XKR9: variants seen among roughly 807,000 people sequenced by gnomAD.
XKR9 encodes XK-related protein 9.
In XKR9, 32 loss-of-function variants were observed where a neutral mutation model predicts 32.0. The ratio of observed to expected loss-of-function variants is 1.00; its 90% CI spans 0.76 to 1.34. The LOEUF (loss-of-function observed/expected upper bound fraction) is 1.34. Among genes scored for constraint, XKR9 ranks in the 40% most tolerant of loss-of-function variants. The probability of loss-of-function intolerance (pLI) is 0.00; values close to 1 mark genes in which losing one functional copy is unlikely to be tolerated. For synonymous variants in XKR9, 168 were observed against 143.4 expected (o/e 1.17, Z -1.22); for missense variants, 546 against 429.7 (o/e 1.27, Z -2.39).
the XKR9 span, among the ~76,000 whole-genome samples, chr8:70,891,759 T>C: frequency 6.6e-6 from 1 of 152,082 alleles, no homozygotes; most frequent in Non-Finnish European, 1.5e-5. Context: ...GTTTTGTAAA[T>C]GTCTATTAGG....
chr8:71,058,938 G>T, the XKR9 span, among the ~76,000 whole-genome samples: 2 of 152,112 alleles, frequency 1.3e-5, no homozygotes, highest in Non-Finnish European at 2.9e-5. Flanking sequence ...TCTTCATGTG[G>T]TTATAAACAC....
the XKR9 span, among the ~76,000 whole-genome samples, chr8:70,814,150 G>T: frequency 6.6e-6 from 1 of 152,100 alleles, no homozygotes; most frequent in Non-Finnish European, 1.5e-5. Flanking sequence ...GCAGGGACAT[G>T]GATGAAACTG....
At chr8:71,023,311 C>T in the XKR9 span, among the ~76,000 whole-genome samples, 1 of 152,134 alleles carries the variant, frequency 6.6e-6, no homozygotes, top group East Asian at 1.9e-4. Context: ...GGGTAGAGCG[C>T]TTCAGCTTTG....
the XKR9 span, among the ~76,000 whole-genome samples, chr8:71,041,266 T>G: frequency 2.0e-5 from 3 of 152,160 alleles, no homozygotes; most frequent in African/African-American, 7.2e-5. Flanking sequence ...TGTAATTATT[T>G]TATCTTGTGG....
At chr8:70,949,301 G>A in the XKR9 span, among the ~76,000 whole-genome samples, 6,265 of 151,736 alleles carry the variant, frequency 0.041, 189 homozygotes, top group South Asian at 0.08. Flanking sequence ...CTATTGTTCC[G>A]TTAGTTTGCC....
intron 4 of XKR9, among the ~76,000 whole-genome samples, chr8:70,716,614 C>A (rs1161338089): frequency 6.6e-6 from 1 of 152,100 alleles, no homozygotes; most frequent in African/African-American, 2.4e-5. Flanking sequence ...GATTCAGTTA[C>A]CTCTACCGTG....
At chr8:71,021,656 C>T in the XKR9 span, among the ~76,000 whole-genome samples, 46 of 152,148 alleles carry the variant, frequency 3.0e-4, no homozygotes, top group African/African-American at 1.1e-3. Flanking sequence ...GCACGCGCCA[C>T]CATGCCCGGC....
the XKR9 span, among the ~76,000 whole-genome samples, chr8:70,937,171 A>G: frequency 7.9e-5 from 12 of 151,708 alleles, no homozygotes; most frequent in African/African-American, 2.9e-4. Context: ...TGTGAAGTTT[A>G]ATTATAGAAA....
the XKR9 span, among the ~76,000 whole-genome samples, chr8:70,855,734 T>G: frequency 1.3e-5 from 2 of 152,220 alleles, no homozygotes; most frequent in Non-Finnish European, 1.5e-5. Context: ...AGAGAAAGGT[T>G]GGGTTACCCA....
the XKR9 span, among the ~76,000 whole-genome samples, chr8:71,035,132 T>C: frequency 6.6e-6 from 1 of 152,218 alleles, no homozygotes; most frequent in Non-Finnish European, 1.5e-5. Flanking sequence ...GATATGAATA[T>C]ATTGAAACAT....
chr8:70,977,276 T>G, the XKR9 span, among the ~76,000 whole-genome samples: 3 of 152,332 alleles, frequency 2.0e-5, no homozygotes, highest in East Asian at 3.9e-4. Context: ...TCTTGCCTTC[T>G]GCTAGTTTTT....
At chr8:71,064,440 A>T in the XKR9 span, among the ~76,000 whole-genome samples, 1 of 152,294 alleles carries the variant, frequency 6.6e-6, no homozygotes, top group South Asian at 2.1e-4. Flanking sequence ...AATTTATATC[A>T]TTGTCAACAG....
intron 2 of XKR9, among the ~76,000 whole-genome samples, chr8:70,753,433 G>T (rs1042873933): frequency 4.6e-5 from 7 of 152,176 alleles, no homozygotes; most frequent in Non-Finnish European, 1.0e-4. Flanking sequence ...GCATCATCCG[G>T]ATACCAAAGC....
chr8:70,807,442 CG>C, the XKR9 span, among the ~76,000 whole-genome samples: 4 of 152,028 alleles, frequency 2.6e-5, no homozygotes, highest in African/African-American at 9.7e-5. Context: ...ATGGGCTAAA[CG>C]GCCCAATTAA....
the XKR9 span, among the ~76,000 whole-genome samples, chr8:70,873,507 G>A: frequency 6.6e-6 from 1 of 152,128 alleles, no homozygotes; most frequent in African/African-American, 2.4e-5. Context: ...AACCCTCATG[G>A]TTGACTTTCA....
chr8:70,927,237 G>C, the XKR9 span, among the ~76,000 whole-genome samples: 1 of 151,914 alleles, frequency 6.6e-6, no homozygotes, highest in Non-Finnish European at 1.5e-5. Context: ...AAGCAGCCAG[G>C]AGTGGTTTAA....
chr8:70,987,569 C>T, the XKR9 span, among the ~76,000 whole-genome samples: 1 of 152,236 alleles, frequency 6.6e-6, no homozygotes, highest in Admixed American at 6.5e-5. Flanking sequence ...GGCACCTCTG[C>T]CCCTGTGGCT....
chr8:71,065,436 G>A, the XKR9 span, among the ~76,000 whole-genome samples: 3 of 152,218 alleles, frequency 2.0e-5, no homozygotes, highest in Non-Finnish European at 4.4e-5. Flanking sequence ...TCTGGACCGT[G>A]CTTACATCCT....
intron 2 of XKR9, among the ~76,000 whole-genome samples, chr8:70,752,316 T>C (rs777255401): frequency 2.0e-5 from 3 of 152,232 alleles, no homozygotes; most frequent in Non-Finnish European, 4.4e-5. Context: ...GTCTTGGTAA[T>C]TTGTAAAGGA....
Sources: allele counts gnomAD v4.1 joint callset (sites outside exome capture counted in the v4.1 genomes callset), GRCh38; gene constraint gnomAD v4.1.1; transcripts MANE v1.5; gene names NCBI Gene and HGNC (gene_info 2026-07-23, HGNC 2026-07-21).